Variants in LRRN1 observed in about 807,000 individuals in gnomAD.
LRRN1 encodes leucine rich repeat neuronal 1, also known as leucine-rich repeat neuronal protein 1.
A neutral mutation model predicts 45.8 loss-of-function variants in LRRN1; 14 were observed. The ratio of observed to expected loss-of-function variants is 0.31; its 90% CI spans 0.20 to 0.48. The LOEUF is 0.48. Ranked by LOEUF, LRRN1 falls within the 20% of genes least tolerant of loss-of-function variation. LRRN1 has a pLI of 0.99. For missense variants in LRRN1, 789 were observed against 874.2 expected (o/e 0.90, Z 1.23); for synonymous variants, 359 against 330.1 (o/e 1.09, Z -0.95).
chr3:3,837,727 T>A (rs1693554604), intron 1 of LRRN1, among the ~76,000 whole-genome samples: 2 of 151,818 alleles, frequency 1.3e-5, no homozygotes, highest in South Asian at 2.1e-4. Context: ...TAATTAATTT[T>A]AATTTTTTTT....
chr3:3,818,387 A>G (rs1693028544), intron 1 of LRRN1, among the ~76,000 whole-genome samples: 1 of 152,168 alleles, frequency 6.6e-6, no homozygotes, highest in Non-Finnish European at 1.5e-5. Context: ...AGCAATAAAA[A>G]CAGCCCAGTT....
chr3:3,819,287 C>T (rs188676176), intron 1 of LRRN1, among the ~76,000 whole-genome samples: 86 of 152,148 alleles, frequency 5.7e-4, no homozygotes, highest in Non-Finnish European at 9.3e-4. Context: ...GTGCTCAACC[C>T]AATATTAACT....
intron 1 of LRRN1, among the ~76,000 whole-genome samples, chr3:3,832,670 G>C (rs571219166): frequency 3.0e-4 from 45 of 152,216 alleles, no homozygotes; most frequent in East Asian, 9.7e-4. Flanking sequence ...AATGTAGTGG[G>C]GTTTTTCCTT....
Position 3,844,762 on chromosome 3 carries a change from C to A in LRRN1, c.121C>A (p.Arg41Ser), listed in dbSNP as rs1253954205. 1 of 1,614,084 alleles carries A rather than the reference C, an allele frequency of 6.2e-7. No individual in the cohort carries two copies. Among genetic ancestry groups the A allele is most frequent in the South Asian group, 1.1e-5 (1 of 91,076 alleles). ...TCCACAACTTTGCGTATGTGAAATT[C>A]GTCCCTGGTTTACCCCACAGTCAAC... ...ECPQLCVCEI[R>S]PWFTPQSTYR... The change falls in exon 2 of 2, where the codon CGT (arginine) becomes AGT (serine). Residue 41 changes from arginine to serine, a missense_variant. Physicochemically the swap from Arg to Ser is moderately radical, Grantham distance 110 (BLOSUM62 -1). Coordinates refer to ENST00000319331, the MANE Select transcript of LRRN1 (RefSeq NM_020873.7).
rs762149707 is a variant in LRRN1, at chr3:3,844,707, A to G, written c.66A>G (p.Leu22=). 3 of 1,614,176 alleles carry G rather than the reference A, an allele frequency of 1.9e-6. No individual in the cohort carries two copies. The East Asian group carries it at 6.7e-5, about 36-fold the overall frequency. ...QLVLGLLMTS[L]TESSIQNSEC... is the part of the protein sequence containing the mutation. ...TGCTGGGCCTACTAATGACTTCATT[A>G]ACCGAGTCTTCCATACAGAATAGTG... Residue 22 remains leucine, a synonymous_variant, in exon 2 of 2, where the codon TTA becomes TTG. Transcript: ENST00000319331.
intron 1 of LRRN1, among the ~76,000 whole-genome samples, chr3:3,807,961 C>A (rs997361471): frequency 1.3e-5 from 2 of 152,084 alleles, no homozygotes; most frequent in Admixed American, 6.6e-5. Flanking sequence ...ATGGGGAGGC[C>A]ATGTGAAAAA....
At chr3:3,824,670 A>T (rs1237998696) in intron 1 of LRRN1, among the ~76,000 whole-genome samples, 2 of 152,186 alleles carry the variant, frequency 1.3e-5, no homozygotes, top group African/African-American at 2.4e-5. Flanking sequence ...AAATTGAGTG[A>T]TGTTTTCCTG....
At chr3:3,835,878 A>C (rs1020269864) in intron 1 of LRRN1, among the ~76,000 whole-genome samples, 4 of 152,012 alleles carry the variant, frequency 2.6e-5, no homozygotes, top group African/African-American at 4.8e-5. Context: ...AAAAAAAAAG[A>C]AGCATCAAAT....
Position 3,800,189 on chromosome 3 carries a change from C to A in LRRN1, c.-279+270C>A, listed in dbSNP as rs868821074. On this transcript the variant is annotated intron_variant, in intron 1 of 1. Coordinates refer to ENST00000319331, the MANE Select transcript of LRRN1 (RefSeq NM_020873.7). The stretch of plus-strand genomic sequence containing the variant: ...GAGAGCGATAGTTGGGAAGGCAGGC[C>A]AGATAGAAACAGGCAAAAAAAGGCA... Among the ~76,000 whole-genome samples the A allele has an allele frequency of 2.0e-5, 3 of 148,266 alleles. No homozygotes were observed. The South Asian group carries it at 6.3e-4, about 31-fold the overall frequency.
At chr3:3,835,512 G>A (rs1693489887) in intron 1 of LRRN1, among the ~76,000 whole-genome samples, 1 of 151,358 alleles carries the variant, frequency 6.6e-6, no homozygotes, top group Non-Finnish European at 1.5e-5. Context: ...AGTAAGTGGA[G>A]AAGCATAATT....
chr3:3,803,252 T>C (rs960909752), intron 1 of LRRN1, among the ~76,000 whole-genome samples: 2 of 152,148 alleles, frequency 1.3e-5, no homozygotes, highest in Non-Finnish European at 2.9e-5. Flanking sequence ...AGAAAATCGG[T>C]CTCTACGGAG....
rs1192356411 is a variant in LRRN1 at position 3,846,421 on chromosome 3, G to C, written c.1780G>C (p.Val594Leu). ...THLQPSTDYEVCLTVSNIHQQ... is the reference protein window; with the variant it reads ...THLQPSTDYELCLTVSNIHQQ... ...TCTGCAGCCTTCCACAGATTATGAA[G>C]TGTGTCTCACAGTGTCCAATATTCA... Residue 594 changes from valine to leucine, a missense_variant, in exon 2 of 2, where the codon GTG becomes CTG. Coordinates refer to ENST00000319331, the MANE Select transcript of LRRN1 (RefSeq NM_020873.7). The surrounding 1 kb of genome is among the most constrained non-coding windows in gnomAD (Gnocchi z 5.7). 5 of 1,613,882 alleles carry C rather than the reference G, an allele frequency of 3.1e-6. No homozygotes were observed. The highest frequency in any genetic ancestry group is 4.2e-6 in the Non-Finnish European group (5 of 1,180,040).
intron 1 of LRRN1, among the ~76,000 whole-genome samples, chr3:3,806,774 T>C (rs1186750895): frequency 6.6e-6 from 1 of 152,238 alleles, no homozygotes; most frequent in Non-Finnish European, 1.5e-5. Context: ...GTGATTGTTC[T>C]TTCTCCTTTT....
At chr3:3,818,105 C>T (rs535168367) in intron 1 of LRRN1, among the ~76,000 whole-genome samples, 1 of 152,330 alleles carries the variant, frequency 6.6e-6, no homozygotes, top group African/African-American at 2.4e-5. Context: ...GCAACACTTA[C>T]TAACAGGGCA....
intron 1 of LRRN1, among the ~76,000 whole-genome samples, chr3:3,826,338 G>A (rs774784793): frequency 1.1e-4 from 16 of 152,158 alleles, no homozygotes; most frequent in Non-Finnish European, 1.8e-4. Context: ...TTAGGCCTGG[G>A]AAGCTATGAC....
chr3:3,835,907 T>A (rs1224174936), intron 1 of LRRN1, among the ~76,000 whole-genome samples: 1 of 152,162 alleles, frequency 6.6e-6, no homozygotes, highest in Non-Finnish European at 1.5e-5. Context: ...TAATTGTTTG[T>A]GGGACTCTTG....
At chr3:3,820,170 C>A (rs1385309261) in intron 1 of LRRN1, among the ~76,000 whole-genome samples, 1 of 152,130 alleles carries the variant, frequency 6.6e-6, no homozygotes, top group Admixed American at 6.5e-5. Flanking sequence ...ATTACTTTTA[C>A]TTCATATGTT....
intron 1 of LRRN1, among the ~76,000 whole-genome samples, chr3:3,808,362 A>G (rs767052596): frequency 1.3e-4 from 20 of 152,146 alleles, no homozygotes; most frequent in Non-Finnish European, 2.9e-5. Context: ...GTAGACACCC[A>G]CTTTATAGCT....
rs745877365 is a variant in LRRN1 at position 3,845,796 on chromosome 3, C to T, written c.1155C>T (p.Asn385=). ...GTGTGATCCACTGGATTAACTCCAA[C>T]AAAACCAACATCCGCTTCATGGAGC... ...CDCVIHWINS[N]KTNIRFMEPL... Residue 385 remains asparagine, a synonymous_variant, in exon 2 of 2, where the codon AAC becomes AAT. Transcript: ENST00000319331. The surrounding 1 kb of genome is among the most constrained non-coding windows in gnomAD (Gnocchi z 6.5). The T allele has an allele frequency of 6.2e-7, 1 of 1,614,166 alleles. No individual in the cohort carries two copies. Among genetic ancestry groups the T allele is most frequent in the South Asian group, 1.1e-5 (1 of 91,082 alleles).
Sources: allele counts gnomAD v4.1 joint callset (sites outside exome capture counted in the v4.1 genomes callset), GRCh38; gene constraint gnomAD v4.1.1; non-coding constraint Gnocchi (gnomAD v3.1); transcripts MANE v1.5; gene names NCBI Gene and HGNC (gene_info 2026-07-23, HGNC 2026-07-21).